GRM8: variants seen among roughly 807,000 people sequenced by gnomAD.
GRM8 encodes metabotropic glutamate receptor 8.
Under a neutral mutation model 87.2 loss-of-function variants are expected in GRM8, and 47 were observed. That is an observed-to-expected ratio of 0.54 (90% CI 0.43 to 0.69). The LOEUF (loss-of-function observed/expected upper bound fraction) is 0.69. Among genes scored for constraint, GRM8 ranks in the 30% least tolerant of loss-of-function variants. The probability of loss-of-function intolerance (pLI) is 0.00; values close to 1 mark genes in which losing one functional copy is unlikely to be tolerated. For synonymous variants in GRM8, 396 were observed against 404.5 expected, an observed-to-expected ratio of 0.98 and a Z score of 0.25; for missense variants, 1,019 against 1,139.2, an observed-to-expected ratio of 0.89 and a Z score of 1.52.
At chr7:127,245,812 T>C (rs949973626) in intron 1 of GRM8, among the ~76,000 whole-genome samples, 5 of 152,248 alleles carry the variant, frequency 3.3e-5, no homozygotes, top group African/African-American at 1.2e-4. Context: ...TTTCCGTCTC[T>C]GGAACACAGA....
chr7:127,155,959 C>T (rs760365983), intron 2 of GRM8, among the ~76,000 whole-genome samples: 6 of 152,128 alleles, frequency 3.9e-5, no homozygotes, highest in African/African-American at 4.8e-5. Context: ...CTGGAATTGA[C>T]GCCCTCTTGA....
chr7:126,465,435 C>A (rs1804381467), intron 9 of GRM8: 1 of 151,500 alleles, frequency 6.6e-6, no homozygotes, highest in African/African-American at 2.4e-5. Context: ...TATTTGATAT[C>A]TTTATAAAAT....
At chr7:126,948,773 C>T (rs1205635361) in intron 3 of GRM8, among the ~76,000 whole-genome samples, 2 of 152,174 alleles carry the variant, frequency 1.3e-5, no homozygotes, top group Non-Finnish European at 2.9e-5. Context: ...ACTCGGGATT[C>T]TCAGATGGGC....
At chr7:127,033,098 T>A (rs1817535877) in intron 3 of GRM8, among the ~76,000 whole-genome samples, 1 of 151,642 alleles carries the variant, frequency 6.6e-6, no homozygotes, top group South Asian at 2.1e-4. Context: ...TATTTTTGTC[T>A]CCTGGTCTGT....
At chr7:126,552,830 C>T (rs1792734665) in intron 8 of GRM8, among the ~76,000 whole-genome samples, 1 of 152,200 alleles carries the variant, frequency 6.6e-6, no homozygotes, top group South Asian at 2.1e-4. Context: ...TGACAAGGCA[C>T]TTTGAAAATT....
At chr7:126,481,848 A>G (rs1806720437) in intron 9 of GRM8, among the ~76,000 whole-genome samples, 1 of 152,042 alleles carries the variant, frequency 6.6e-6, no homozygotes, top group Non-Finnish European at 1.5e-5. Flanking sequence ...AGTTATATGC[A>G]ATGTTCATAT....
chr7:126,564,759 C>A (rs1316076735), intron 8 of GRM8, among the ~76,000 whole-genome samples: 3 of 152,032 alleles, frequency 2.0e-5, no homozygotes, highest in African/African-American at 7.2e-5. Flanking sequence ...CATACCAAAG[C>A]CAAATACAAC....
At chr7:126,679,468 G>T (rs1462262839) in intron 7 of GRM8, among the ~76,000 whole-genome samples, 1 of 152,136 alleles carries the variant, frequency 6.6e-6, no homozygotes, top group Non-Finnish European at 1.5e-5. Flanking sequence ...TTATCTAACT[G>T]ATGGAAACAC....
chr7:127,108,779 T>C (rs1587038394), intron 2 of GRM8, among the ~76,000 whole-genome samples: 1 of 152,202 alleles, frequency 6.6e-6, no homozygotes, highest in African/African-American at 2.4e-5. Context: ...AAAGTGCAGA[T>C]AGAAGATGGT....
At chr7:127,190,470 G>C (rs970909714) in intron 2 of GRM8, among the ~76,000 whole-genome samples, 2 of 152,018 alleles carry the variant, frequency 1.3e-5, no homozygotes, top group Admixed American at 6.6e-5. Flanking sequence ...CTTGAACCCT[G>C]GAGGCAGAGG....
intron 7 of GRM8, among the ~76,000 whole-genome samples, chr7:126,714,278 A>AAATAAT (rs143180604): frequency 0.026 from 3,588 of 137,010 alleles, 68 homozygotes; most frequent in East Asian, 0.046. Context: ...ACTCCATCTC[A>AAATAAT]AATAATAATA....
chr7:127,077,779 C>T (rs1822439821), intron 3 of GRM8, among the ~76,000 whole-genome samples: 1 of 152,160 alleles, frequency 6.6e-6, no homozygotes, highest in African/African-American at 2.4e-5. Context: ...TTATCTTGCT[C>T]CCCCTTTCTC....
chr7:127,107,745 C>T (rs929609059), intron 2 of GRM8, among the ~76,000 whole-genome samples: 1 of 152,140 alleles, frequency 6.6e-6, no homozygotes, highest in Admixed American at 6.5e-5. Context: ...CAGATGATTC[C>T]CAATCTATAT....
rs1173577666 is a variant in GRM8, at chr7:127,252,720, G to A, written c.-312+77C>T. 6.5e-6 allele frequency: 1 copy of A among 154,040 alleles called. No homozygotes were observed. The highest frequency in any genetic ancestry group is 1.4e-5 in the Non-Finnish European group (1 of 69,082). The allele number at this position is 154,040 out of a possible 1,614,324, so 9.5% of individuals were successfully genotyped here. ...CAGGGCGTTTTGGGGAAGTTTGGGG[G>A]CCAGGGGCTTTTTGTCCCGTGGTTC... On this transcript the variant is annotated intron_variant, in intron 1 of 10. Transcript: ENST00000339582. The surrounding 1 kb of genome is among the most constrained non-coding windows in gnomAD (Gnocchi z 4.9).
intron 3 of GRM8, among the ~76,000 whole-genome samples, chr7:126,971,714 T>G (rs1810447551): frequency 6.6e-6 from 1 of 152,094 alleles, no homozygotes; most frequent in African/African-American, 2.4e-5. Context: ...GTCGGCAGGT[T>G]TTGAGTTTGG....
intron 2 of GRM8, among the ~76,000 whole-genome samples, chr7:127,180,752 A>G (rs1035483789): frequency 6.6e-6 from 1 of 152,152 alleles, no homozygotes; most frequent in African/African-American, 2.4e-5. Flanking sequence ...TCACATGTTC[A>G]TCTCAATAGA....
chr7:126,722,888 G>GA (rs1194145538), intron 7 of GRM8, among the ~76,000 whole-genome samples: 2,933 of 74,536 alleles, frequency 0.039, 102 homozygotes, highest in African/African-American at 0.19. Flanking sequence ...GAGAGCCTGT[G>GA]AAAAAAAATA....
intron 3 of GRM8, chr7:127,058,326 T>C (rs1269067051): frequency 3.2e-6 from 1 of 315,094 alleles, no homozygotes; most frequent in African/African-American, 2.3e-5. Flanking sequence ...TCCTGGTCTA[T>C]TAAAACTTCC....
intron 3 of GRM8, among the ~76,000 whole-genome samples, chr7:126,945,620 C>T (rs1169041185): frequency 6.6e-6 from 1 of 152,176 alleles, no homozygotes; most frequent in Non-Finnish European, 1.5e-5. Context: ...CATGTTTATA[C>T]TTGTGTCCCA....
Sources: allele counts gnomAD v4.1 joint callset (sites outside exome capture counted in the v4.1 genomes callset), GRCh38; gene constraint gnomAD v4.1.1; non-coding constraint Gnocchi (gnomAD v3.1); transcripts MANE v1.5; gene names NCBI Gene and HGNC (gene_info 2026-07-23, HGNC 2026-07-21).